The following PARN variants were observed in gnomAD, a reference collection of about 807,000 sequenced individuals.
PARN encodes the protein poly(A)-specific ribonuclease PARN.
PARN carries 71 observed loss-of-function variants against 102.8 expected under a neutral mutation model. The ratio of observed to expected loss-of-function variants is 0.69; its 90% confidence interval spans 0.57 to 0.84. The LOEUF is 0.84. Ranked by LOEUF, PARN falls within the 40% of genes least tolerant of loss-of-function variation. PARN has a pLI of 0.00. For synonymous variants in PARN, 261 were observed against 252.9 expected, an observed-to-expected ratio of 1.03 and a Z score of -0.30; for missense variants, 782 against 760.9, an observed-to-expected ratio of 1.03 and a Z score of -0.33.
intron 7 of PARN, 137 bp downstream of exon 7, chr16:14,610,507 C>A: frequency 2.0e-6 from 1 of 497,004 alleles, no homozygotes. Flanking sequence ...TTTAATATGC[C>A]ACAATTATAT....
chr16:14,458,252 G>A (rs1209416836), intron 22 of PARN, among the ~76,000 whole-genome samples: 4 of 152,082 alleles, frequency 2.6e-5, no homozygotes, highest in Non-Finnish European at 4.4e-5. Flanking sequence ...TAGAACATCT[G>A]AAATTTTCAG....
chr16:14,620,112 T>C (rs1178524887), intron 5 of PARN, among the ~76,000 whole-genome samples: 1 of 139,268 alleles, frequency 7.2e-6, no homozygotes, highest in East Asian at 2.2e-4. Context: ...GCACAGTGGC[T>C]CATGCCTGTA....
intron 21 of PARN, among the ~76,000 whole-genome samples, chr16:14,500,131 C>T (rs902640310): frequency 6.6e-6 from 1 of 152,146 alleles, no homozygotes; most frequent in East Asian, 1.9e-4. Context: ...CCACGGTTCA[C>T]TGCAGCCTCA....
intron 11 of PARN, among the ~76,000 whole-genome samples, chr16:14,603,446 C>T (rs1184895736): frequency 2.0e-5 from 3 of 152,050 alleles, no homozygotes; most frequent in African/African-American, 7.2e-5. Flanking sequence ...ACCTTTTCCC[C>T]CAACCGATGT....
chr16:14,585,169 C>A (rs1020844462), intron 14 of PARN, among the ~76,000 whole-genome samples: 1 of 152,166 alleles, frequency 6.6e-6, no homozygotes, highest in Non-Finnish European at 1.5e-5. Context: ...AATACTGCTG[C>A]CGGTCTACCA....
chr16:14,534,747 A>G (rs1165158967), intron 21 of PARN, among the ~76,000 whole-genome samples: 1 of 151,988 alleles, frequency 6.6e-6, no homozygotes, highest in Non-Finnish European at 1.5e-5. Context: ...GAAGTTCCCC[A>G]CATCGCTCCA....
chr16:14,520,545 A>T (rs781083354), intron 21 of PARN, among the ~76,000 whole-genome samples: 3 of 152,040 alleles, frequency 2.0e-5, no homozygotes, highest in Non-Finnish European at 4.4e-5. Flanking sequence ...CGTCTCTACC[A>T]AAAATTAGCC....
intron 22 of PARN, among the ~76,000 whole-genome samples, chr16:14,451,738 G>A (rs148196287): frequency 6.6e-5 from 10 of 150,968 alleles, no homozygotes; most frequent in African/African-American, 1.9e-4. Flanking sequence ...GCCAGGTGTG[G>A]TGGTTCACAC....
At chr16:14,568,535 G>A (rs1968578287) in intron 18 of PARN, among the ~76,000 whole-genome samples, 1 of 151,898 alleles carries the variant, frequency 6.6e-6, no homozygotes, top group African/African-American at 2.4e-5. Flanking sequence ...GGCCCAGAAT[G>A]CAATGAGCCA....
At position 14,584,788 on chromosome 16, in the gene PARN, G is replaced by A. The variant is rs763666862; in HGVS notation, c.966C>T (p.Leu322=). ...TGCTGGCCATCAATTTAGTATCCAA[G>A]AGTCTAAAAAGAATTTTTAACAAGG... is the stretch of plus-strand genomic sequence containing the variant. ...KEMTTCVFPR[L]LDTKLMASTQ... Residue 322 remains leucine, a synonymous_variant, in exon 15 of 24, where the codon CTC becomes CTT. Transcript: ENST00000437198. 2 of 1,547,054 alleles carry A rather than the reference G, an allele frequency of 1.3e-6. No individual in the cohort carries two copies. The highest frequency in any genetic ancestry group is 1.2e-5 in the South Asian group (1 of 82,178).
At chr16:14,450,006 C>A (rs1006298365) in intron 22 of PARN, among the ~76,000 whole-genome samples, 2 of 152,152 alleles carry the variant, frequency 1.3e-5, no homozygotes, top group African/African-American at 4.8e-5. Flanking sequence ...TATGCATGTA[C>A]AAGTTATTCA....
At chr16:14,587,463 T>A (rs1426537301) in intron 13 of PARN, among the ~76,000 whole-genome samples, 1 of 152,194 alleles carries the variant, frequency 6.6e-6, no homozygotes, top group African/African-American at 2.4e-5. Context: ...TTATTTAGTA[T>A]CCTTTTAAAT....
At chr16:14,473,144 T>C (rs1233936339) in intron 22 of PARN, among the ~76,000 whole-genome samples, 2 of 152,156 alleles carry the variant, frequency 1.3e-5, no homozygotes, top group African/African-American at 2.4e-5. Flanking sequence ...AATGGAGGTA[T>C]TTAAAGGAAT....
intron 23 of PARN, among the ~76,000 whole-genome samples, chr16:14,437,390 A>G (rs955879967): frequency 6.6e-6 from 1 of 152,236 alleles, no homozygotes; most frequent in Non-Finnish European, 1.5e-5. Flanking sequence ...GGGGGTTCCA[A>G]TATCTCAACA....
intron 22 of PARN, among the ~76,000 whole-genome samples, chr16:14,463,842 G>A: frequency 7.0e-6 from 1 of 143,322 alleles, no homozygotes; most frequent in South Asian, 2.3e-4. Context: ...TTTTTTTGGG[G>A]GGGGGGGGAC....
At chr16:14,583,736 A>T (rs923479879) in intron 16 of PARN, among the ~76,000 whole-genome samples, 7 of 152,152 alleles carry the variant, frequency 4.6e-5, no homozygotes, top group Admixed American at 4.6e-4. Flanking sequence ...ATGGCTCGCT[A>T]ATCACCGTAT....
At chr16:14,578,669 A>G (rs1969315453) in intron 18 of PARN, 1 of 152,176 alleles carries the variant, frequency 6.6e-6, no homozygotes, top group Non-Finnish European at 1.5e-5. Flanking sequence ...AAAAAAAAGA[A>G]AGAAAAAAAA....
At chr16:14,622,742 G>A (rs1173136587) in intron 5 of PARN, among the ~76,000 whole-genome samples, 3 of 152,142 alleles carry the variant, frequency 2.0e-5, no homozygotes, top group Non-Finnish European at 2.9e-5. Context: ...TCCTGACCTC[G>A]TGATCCGCCC....
At chr16:14,610,841 A>T in intron 6 of PARN, 32 bp from the exon 7 acceptor site, 1 of 1,444,112 alleles carries the variant, frequency 6.9e-7, no homozygotes, top group African/African-American at 1.4e-5. Flanking sequence ...ATGCATTAGC[A>T]GAAGTAACTG....
Sources: allele counts gnomAD v4.1 joint callset (sites outside exome capture counted in the v4.1 genomes callset), GRCh38; gene constraint gnomAD v4.1.1; transcripts MANE v1.5; gene names NCBI Gene and HGNC (gene_info 2026-07-23, HGNC 2026-07-21).